COG7: variants seen among roughly 807,000 people sequenced by gnomAD.
COG7 encodes the protein conserved oligomeric Golgi complex subunit 7.
Under a neutral mutation model 91.5 loss-of-function variants are expected in COG7, and 49 were observed. The ratio of observed to expected loss-of-function variants is 0.54; its 90% CI spans 0.43 to 0.68. The LOEUF is 0.68. Ranked by LOEUF, COG7 falls within the 30% of genes least tolerant of loss-of-function variation. The pLI is 0.00. For synonymous variants in COG7, 365 were observed against 388.7 expected, an observed-to-expected ratio of 0.94 and a Z score of 0.72; for missense variants, 895 against 961.3, an observed-to-expected ratio of 0.93 and a Z score of 0.91.
chr16:23,437,023 C>T (rs1964023596), intron 4 of COG7, among the ~76,000 whole-genome samples: 1 of 152,076 alleles, frequency 6.6e-6, no homozygotes, highest in Non-Finnish European at 1.5e-5. Context: ...TACAAAGGGC[C>T]AAAGACTGGG....
At chr16:23,421,191 G>A (rs1963750512) in intron 7 of COG7, among the ~76,000 whole-genome samples, 2 of 151,168 alleles carry the variant, frequency 1.3e-5, no homozygotes, top group Non-Finnish European at 2.9e-5. Context: ...ATTTTGAATT[G>A]TATTAGGTAC....
chr16:23,396,310 A>G (rs1951194403), intron 14 of COG7, among the ~76,000 whole-genome samples: 1 of 152,190 alleles, frequency 6.6e-6, no homozygotes, highest in African/African-American at 2.4e-5. Flanking sequence ...TCAACTTGGT[A>G]GCCACTCAGG....
Position 23,424,721 on chromosome 16 carries a change from T to C in COG7, c.1009+28A>G, listed in dbSNP as rs765688000. The C allele has an allele frequency of 5.6e-5, 90 of 1,611,712 alleles. 2 individuals are homozygous for C. The South Asian group carries it at 8.8e-4, about 16-fold the overall frequency. ...TCAGAAAGAGCGAGTAAAGACAAGC[T>C]AGAGAACTGGCAGGAAGGAATGTTT... is the stretch of plus-strand genomic sequence containing the variant. On this transcript the variant is annotated intron_variant, in intron 7 of 16. Coordinates refer to ENST00000307149, the MANE Select transcript of COG7 (RefSeq NM_153603.4).
At chr16:23,438,469 G>A (rs1467108607) in intron 4 of COG7, among the ~76,000 whole-genome samples, 1 of 152,042 alleles carries the variant, frequency 6.6e-6, no homozygotes, top group African/African-American at 2.4e-5. Flanking sequence ...GCCGTGGGAG[G>A]ATCACTTGAG....
At chr16:23,442,739 G>T in intron 3 of COG7, 94 bp from the exon 4 acceptor site, 1 of 1,119,634 alleles carries the variant, frequency 8.9e-7, no homozygotes, top group Non-Finnish European at 1.4e-6. Context: ...AACTCATCAA[G>T]TATGAAAATG....
At chr16:23,449,347 A>G (rs796837917) in intron 1 of COG7, among the ~76,000 whole-genome samples, 4 of 151,300 alleles carry the variant, frequency 2.6e-5, no homozygotes, top group African/African-American at 7.3e-5. Flanking sequence ...TGGGCGACAG[A>G]GCGAGACTCC....
At chr16:23,441,501 G>T (rs1392458988) in intron 4 of COG7, among the ~76,000 whole-genome samples, 3 of 152,100 alleles carry the variant, frequency 2.0e-5, no homozygotes, top group African/African-American at 7.2e-5. Context: ...CTTGAGCCTG[G>T]GGGGCAGAGG....
In COG7 at chr16:23,406,214, C is replaced by T. The variant is rs767115740; in HGVS notation, c.1524G>A (p.Arg508=). 13 of 1,614,042 alleles carry T rather than the reference C, an allele frequency of 8.1e-6. No homozygotes were observed. The highest frequency in any genetic ancestry group is 1.1e-5 in the Non-Finnish European group (13 of 1,180,036). Residue 508 remains arginine, a synonymous_variant, in exon 12 of 17, where the codon CGG becomes CGA. Coordinates refer to ENST00000307149, the MANE Select transcript of COG7 (RefSeq NM_153603.4). The part of the protein sequence containing the change: ...GKYLSDSCSP[R]SLAGFQESIL... ...TGCTCTCCTGAAAACCAGCCAGGCT[C>T]CGGGGGCTGCAGGAATCAGATAGAT... is the stretch of plus-strand genomic sequence containing the variant.
At chr16:23,450,678 A>C (rs1049865173) in intron 1 of COG7, among the ~76,000 whole-genome samples, 2 of 151,914 alleles carry the variant, frequency 1.3e-5, no homozygotes, top group Non-Finnish European at 2.9e-5. Flanking sequence ...AAATCAAAAA[A>C]TTGTGCCATC....
At chr16:23,415,685 C>A (rs921339613) in intron 9 of COG7, 2 of 152,296 alleles carry the variant, frequency 1.3e-5, no homozygotes, top group Non-Finnish European at 2.9e-5. Flanking sequence ...GCTCCCATGC[C>A]CATCACAGTC....
intron 6 of COG7, among the ~76,000 whole-genome samples, chr16:23,425,795 T>C (rs2142082082): frequency 6.6e-6 from 1 of 152,334 alleles, no homozygotes; most frequent in Non-Finnish European, 1.5e-5. Context: ...GACTTGGAAC[T>C]TGCAACTTGC....
intron 4 of COG7, among the ~76,000 whole-genome samples, chr16:23,435,442 G>A (rs193041765): frequency 3.8e-4 from 58 of 152,248 alleles, no homozygotes; most frequent in African/African-American, 1.2e-3. Flanking sequence ...CATAACAATG[G>A]ATTCTAAGAC....
intron 7 of COG7, among the ~76,000 whole-genome samples, chr16:23,420,933 T>C (rs892000475): frequency 2.2e-5 from 3 of 136,856 alleles, no homozygotes; most frequent in Non-Finnish European, 4.7e-5. Flanking sequence ...TTTTTTTTTT[T>C]TGTAGAGATG....
chr16:23,404,281 G>C (rs1479780662), intron 12 of COG7, among the ~76,000 whole-genome samples: 1 of 152,254 alleles, frequency 6.6e-6, no homozygotes, highest in African/African-American at 2.4e-5. Context: ...TTGGCTGAAA[G>C]CCAAAGTATG....
chr16:23,404,136 G>C (rs959323120), intron 12 of COG7, among the ~76,000 whole-genome samples: 1 of 152,212 alleles, frequency 6.6e-6, no homozygotes, highest in African/African-American at 2.4e-5. Context: ...AAGCAGTTTA[G>C]GAAAAATTCA....
chr16:23,437,021 G>T (rs1269885185), intron 4 of COG7, among the ~76,000 whole-genome samples: 1 of 152,156 alleles, frequency 6.6e-6, no homozygotes, highest in Non-Finnish European at 1.5e-5. Context: ...AGTACAAAGG[G>T]CCAAAGACTG....
At chr16:23,443,616 AG>A (rs1484078987) in intron 3 of COG7, among the ~76,000 whole-genome samples, 2 of 152,032 alleles carry the variant, frequency 1.3e-5, no homozygotes, top group Admixed American at 6.6e-5. Context: ...GCTTGAACCC[AG>A]GAGGCAGAGG....
intron 10 of COG7, 164 bp downstream of exon 10, chr16:23,413,284 T>G: frequency 1.6e-6 from 1 of 636,010 alleles, no homozygotes; most frequent in Non-Finnish European, 2.9e-6. Context: ...TGGGTTGGGT[T>G]TTATTGGTTT....
chr16:23,442,511 T>C lies in COG7; in HGVS notation c.570A>G (p.Pro190=), dbSNP rs2142094050. 6.2e-7 allele frequency: 1 copy of C among 1,614,120 alleles called. No individual in the cohort carries two copies. Among genetic ancestry groups the C allele is most frequent in the Non-Finnish European group, 8.5e-7 (1 of 1,180,032 alleles). The change falls in exon 4 of 17, where the codon CCA becomes CCG. Residue 190 remains proline (P), a synonymous_variant. Coordinates refer to ENST00000307149, the MANE Select transcript of COG7 (RefSeq NM_153603.4). ...GAGAGGTGAATGCCGCTACAATCTG[T>C]GGACTGGCTAGGGCCTCCAGCCTGT... is the stretch of plus-strand genomic sequence containing the variant. The part of the protein sequence containing the change: ...LKNRLEALAS[P]QIVAAFTSQA...
Sources: allele counts gnomAD v4.1 joint callset (sites outside exome capture counted in the v4.1 genomes callset), GRCh38; gene constraint gnomAD v4.1.1; transcripts MANE v1.5; gene names NCBI Gene and HGNC (gene_info 2026-07-23, HGNC 2026-07-21).